The following SPIDR variants were observed in gnomAD, a reference collection of about 807,000 sequenced individuals.
SPIDR encodes the protein DNA repair-scaffolding protein.
SPIDR carries 93 observed loss-of-function variants against 104.6 expected under a neutral mutation model. That is an observed-to-expected ratio of 0.89 (90% CI 0.75 to 1.06). SPIDR has a LOEUF of 1.06. SPIDR is among the 50% of genes least tolerant of loss of function. SPIDR has a pLI of 0.00. For synonymous variants in SPIDR, 431 were observed against 416.9 expected (o/e 1.03, Z -0.41); for missense variants, 1,154 against 1,111.2 (o/e 1.04, Z -0.55).
intron 7 of SPIDR, among the ~76,000 whole-genome samples, chr8:47,410,638 CTTA>C (rs1403909096): frequency 6.6e-6 from 1 of 151,718 alleles, no homozygotes. Context: ...TTTGCCTGGT[CTTA>C]TTATTTAGAG....
chr8:47,682,368 G>A (rs2077215921), intron 11 of SPIDR, among the ~76,000 whole-genome samples: 1 of 152,164 alleles, frequency 6.6e-6, no homozygotes, highest in Non-Finnish European at 1.5e-5. Context: ...GGCTGCCAGG[G>A]CCTGAGAGGA....
At position 47,579,489 on chromosome 8, in the gene SPIDR, C is replaced by A. The variant is rs542415765; in HGVS notation, c.1098-16322C>A. On this transcript the variant is annotated intron_variant, in intron 8 of 19. Coordinates refer to ENST00000297423, the MANE Select transcript of SPIDR (RefSeq NM_001080394.4). ...TCTGGGTCATGCAACCCAGGAACTG[C>A]ATTTTAAAATTATTTTATTTCATTT... Among the ~76,000 whole-genome samples the A allele has an allele frequency of 3.3e-5, 5 of 152,130 alleles. No homozygotes were observed. In the South Asian group the frequency reaches 1.0e-3, roughly 32 times the overall value.
chr8:47,705,278 G>A (rs1207487479), intron 14 of SPIDR, among the ~76,000 whole-genome samples: 1 of 152,144 alleles, frequency 6.6e-6, no homozygotes, highest in Non-Finnish European at 1.5e-5. Flanking sequence ...TCCTATCCAA[G>A]AAACAGGCTC....
intron 8 of SPIDR, among the ~76,000 whole-genome samples, chr8:47,519,146 T>C (rs2083621465): frequency 6.6e-6 from 1 of 151,902 alleles, no homozygotes. Flanking sequence ...TTGTTGTTGT[T>C]GTTGTTGTTG....
At chr8:47,494,003 C>T (rs1442746966) in intron 8 of SPIDR, among the ~76,000 whole-genome samples, 1 of 152,084 alleles carries the variant, frequency 6.6e-6, no homozygotes, top group African/African-American at 2.4e-5. Context: ...CTCCCTCCTT[C>T]CTTCTTTTCT....
At chr8:47,673,017 A>T (rs2075989768) in intron 10 of SPIDR, among the ~76,000 whole-genome samples, 2 of 152,122 alleles carry the variant, frequency 1.3e-5, no homozygotes, top group African/African-American at 4.8e-5. Context: ...TCACATTCTT[A>T]TCTTTAGAAC....
chr8:47,422,083 C>G (rs943510356), intron 7 of SPIDR, among the ~76,000 whole-genome samples: 7 of 152,228 alleles, frequency 4.6e-5, no homozygotes, highest in Non-Finnish European at 8.8e-5. Context: ...GGCAGTGTGT[C>G]CGTTCTCAGA....
intron 5 of SPIDR, among the ~76,000 whole-genome samples, chr8:47,324,545 A>G (rs2047339648): frequency 6.6e-6 from 1 of 152,188 alleles, no homozygotes. Context: ...AAGATGTTTT[A>G]TCTTTTTTAG....
intron 5 of SPIDR, among the ~76,000 whole-genome samples, chr8:47,365,483 T>C (rs548216701): frequency 8.1e-4 from 124 of 152,326 alleles, no homozygotes; most frequent in South Asian, 2.9e-3. Context: ...TTAACCCCCA[T>C]GGTGTGCAGC....
intron 11 of SPIDR, among the ~76,000 whole-genome samples, chr8:47,679,233 G>A (rs2076806751): frequency 6.6e-6 from 1 of 152,198 alleles, no homozygotes; most frequent in Non-Finnish European, 1.5e-5. Flanking sequence ...AGTGTCACTG[G>A]TATAGGTTTG....
chr8:47,412,610 A>G (rs1588374817), intron 7 of SPIDR, among the ~76,000 whole-genome samples: 1 of 152,216 alleles, frequency 6.6e-6, no homozygotes, highest in African/African-American at 2.4e-5. Context: ...ACACACTACC[A>G]TCCATATCCT....
chr8:47,713,119 G>T, intron 15 of SPIDR: 1 of 977,592 alleles, frequency 1.0e-6, no homozygotes, highest in South Asian at 2.6e-5. Context: ...ACCCCATACT[G>T]CTGCAGACTC....
chr8:47,466,964 T>A (rs2074962686), intron 8 of SPIDR, among the ~76,000 whole-genome samples: 1 of 145,796 alleles, frequency 6.9e-6, no homozygotes, highest in African/African-American at 2.5e-5. Flanking sequence ...AAAAATAGAC[T>A]GCTAGCTAGA....
chr8:47,293,319 C>T (rs1438212634), intron 4 of SPIDR, among the ~76,000 whole-genome samples: 1 of 152,116 alleles, frequency 6.6e-6, no homozygotes, highest in Non-Finnish European at 1.5e-5. Flanking sequence ...AGTTTATTTG[C>T]TTAAACATGC....
chr8:47,265,357 A>G (rs2033721096), intron 1 of SPIDR, among the ~76,000 whole-genome samples: 1 of 151,610 alleles, frequency 6.6e-6, no homozygotes, highest in African/African-American at 2.4e-5. Flanking sequence ...CCTGGCTAAT[A>G]TTTAAATTTA....
At chr8:47,478,684 A>G (rs1006559390) in intron 8 of SPIDR, among the ~76,000 whole-genome samples, 4 of 152,220 alleles carry the variant, frequency 2.6e-5, no homozygotes, top group Non-Finnish European at 2.9e-5. Context: ...AGCATTTCTC[A>G]GTGTTCACAG....
At chr8:47,287,062 G>T (rs2038977006) in intron 3 of SPIDR, among the ~76,000 whole-genome samples, 1 of 152,092 alleles carries the variant, frequency 6.6e-6, no homozygotes, top group Non-Finnish European at 1.5e-5. Context: ...GCCTCCAGGG[G>T]TGACATCACA....
intron 10 of SPIDR, among the ~76,000 whole-genome samples, chr8:47,610,278 T>C (rs2063446159): frequency 6.6e-6 from 1 of 152,056 alleles, no homozygotes; most frequent in Admixed American, 6.6e-5. Context: ...AGATCACACT[T>C]TCCTGTGAGT....
chr8:47,353,084 T>C (rs2053864081), intron 5 of SPIDR, among the ~76,000 whole-genome samples: 1 of 151,862 alleles, frequency 6.6e-6, no homozygotes. Flanking sequence ...AAGTTATTCT[T>C]TCCAAATATG....
Sources: allele counts gnomAD v4.1 joint callset (sites outside exome capture counted in the v4.1 genomes callset), GRCh38; gene constraint gnomAD v4.1.1; transcripts MANE v1.5; gene names NCBI Gene and HGNC (gene_info 2026-07-23, HGNC 2026-07-21).